The following EHMT1 variants were observed in gnomAD, a reference collection of about 807,000 sequenced individuals.
EHMT1 encodes euchromatic histone lysine methyltransferase 1, also known as histone-lysine N-methyltransferase EHMT1.
Under a neutral mutation model 147.2 loss-of-function variants are expected in EHMT1, and 15 were observed. That is an observed-to-expected ratio of 0.10 (90% CI 0.07 to 0.16). EHMT1 has a LOEUF of 0.16. Ranked by LOEUF, EHMT1 falls within the 10% of genes least tolerant of loss-of-function variation. The pLI, the probability that EHMT1 is intolerant of heterozygous loss-of-function variation, is 1.00. For synonymous variants in EHMT1, 795 were observed against 709.6 expected (o/e 1.12, Z -1.91); for missense variants, 1,587 against 1,772.4 (o/e 0.90, Z 1.88).
intron 3 of EHMT1, among the ~76,000 whole-genome samples, chr9:137,721,885 G>A (rs1946093971): frequency 6.6e-6 from 1 of 152,020 alleles, no homozygotes; most frequent in Non-Finnish European, 1.5e-5. Context: ...GTTTCATTTT[G>A]ATGAAGTCCG....
chr9:137,734,885 C>G (rs1947403613), intron 4 of EHMT1, among the ~76,000 whole-genome samples: 1 of 152,176 alleles, frequency 6.6e-6, no homozygotes, highest in South Asian at 2.1e-4. Context: ...AAGATATTCT[C>G]AGATAAACAA....
chr9:137,687,287 T>C (rs935639219), intron 1 of EHMT1, among the ~76,000 whole-genome samples: 12 of 152,198 alleles, frequency 7.9e-5, no homozygotes, highest in Non-Finnish European at 1.3e-4. Context: ...TCCAATTGTT[T>C]TGGCTCTCTT....
At chr9:137,711,198 C>T (rs1048392594) in intron 2 of EHMT1, among the ~76,000 whole-genome samples, 168 bp downstream of exon 2, 2 of 152,176 alleles carry the variant, frequency 1.3e-5, no homozygotes, top group African/African-American at 2.4e-5. Flanking sequence ...GTTGCACAGA[C>T]AAACACAAAA....
intron 16 of EHMT1, among the ~76,000 whole-genome samples, chr9:137,794,490 A>T (rs1952753348): frequency 1.3e-5 from 2 of 151,926 alleles, no homozygotes; most frequent in Admixed American, 6.6e-5. Flanking sequence ...TCTATAAGAA[A>T]TGAAAAATTA....
intron 23 of EHMT1, chr9:137,817,067 C>G: frequency 3.3e-6 from 1 of 307,488 alleles, no homozygotes; most frequent in Non-Finnish European, 6.3e-6. Context: ...CGGGAGCAGG[C>G]TGGGCTGCAG....
In EHMT1 at chr9:137,662,136, T is replaced by C. The variant is rs150469029; in HGVS notation, c.21+43087T>C. 8.6e-3 allele frequency among the ~76,000 whole-genome samples: 1,316 copies of C among 152,328 alleles called. 13 individuals carry two copies. The highest frequency in any genetic ancestry group is 0.015 in the Non-Finnish European group (1,032 of 68,030). On this transcript the variant is annotated intron_variant, in intron 1 of 26. Transcript: ENST00000460843. ...ATTAATGGGGTGAGTTACCCAACAA[T>C]ATCTGCTGATAGTATATATATATTT...
At chr9:137,784,558 C>A (rs1951810120) in intron 15 of EHMT1, 1 of 470,636 alleles carries the variant, frequency 2.1e-6, no homozygotes, top group Non-Finnish European at 2.8e-6. Context: ...TGCCATTTCT[C>A]TTCTCTCTGT....
chr9:137,753,108 G>A (rs1347413163), intron 7 of EHMT1, among the ~76,000 whole-genome samples: 1 of 152,140 alleles, frequency 6.6e-6, no homozygotes, highest in East Asian at 1.9e-4. Flanking sequence ...GGTTCCACAG[G>A]GGAGGAGAAG....
At chr9:137,635,035 G>T (rs372731258) in intron 1 of EHMT1, among the ~76,000 whole-genome samples, 3 of 151,082 alleles carry the variant, frequency 2.0e-5, no homozygotes, top group Non-Finnish European at 2.9e-5. Context: ...TTGGATTTTC[G>T]TATGAGTTTT....
chr9:137,678,984 G>T (rs1941672147), intron 1 of EHMT1, among the ~76,000 whole-genome samples: 1 of 152,050 alleles, frequency 6.6e-6, no homozygotes, highest in South Asian at 2.1e-4. Flanking sequence ...GATGGAGTCT[G>T]GCTCTGTCGC....
At chr9:137,822,786 G>C (rs571354478) in intron 25 of EHMT1, among the ~76,000 whole-genome samples, 1 of 151,930 alleles carries the variant, frequency 6.6e-6, no homozygotes, top group African/African-American at 2.4e-5. Context: ...CCAGTTACTC[G>C]GGAGGCTGAG....
chr9:137,716,722 G>A lies in EHMT1; in HGVS notation c.182G>A (p.Ser61Asn). Residue 61 changes from serine (S) to asparagine (N), a missense_variant, in exon 3 of 27, where the codon AGC (serine) becomes AAC (asparagine). Ser to Asn is a conservative substitution (Grantham distance 46). Around this residue, in one of 7 missense-constraint regions of EHMT1, gnomAD observed 810 missense variants for 673.0 expected, o/e 1.20. Transcript: ENST00000460843. Reference sequence around the variant, plus strand: ...GAGACCAATGGGTCTTGTGAAAACAGCGATGCCAGCAGTCATGCAAATGCT... The same window carrying A: ...GAGACCAATGGGTCTTGTGAAAACAACGATGCCAGCAGTCATGCAAATGCT... ...DGETNGSCENSDASSHANAAK... is the reference protein window; with the variant it reads ...DGETNGSCENNDASSHANAAK... 6.2e-7 allele frequency: 1 copy of A among 1,612,098 alleles called. No homozygotes were observed. The highest frequency in any genetic ancestry group is 1.3e-5 in the African/African-American group (1 of 74,944).
Position 137,787,871 on chromosome 9 carries a change from T to G in EHMT1, c.2383-2977T>G. ...GTGGACATTGGGGATAGGAGGTGGG[T>G]GGGGGTGCCAAGGGCATTACCACAT... On this transcript the variant is annotated intron_variant, in intron 15 of 26. Transcript: ENST00000460843. This position sits in a 1 kb window ranked among gnomAD's most constrained non-coding sequence, Gnocchi z 4.2. 1 of 1,193,498 alleles carries G rather than the reference T, an allele frequency of 8.4e-7. No individual in the cohort carries two copies. The highest frequency in any genetic ancestry group is 1.2e-6 in the Non-Finnish European group (1 of 800,446). 73.9% of individuals were successfully genotyped at this position (1,193,498 alleles called of 1,614,324 possible). A position where few individuals can be genotyped will look rare whatever the true frequency, so the allele number is the denominator to read the frequency against.
chr9:137,664,479 C>T (rs763942061), intron 1 of EHMT1, among the ~76,000 whole-genome samples: 4 of 151,970 alleles, frequency 2.6e-5, no homozygotes, highest in Middle Eastern at 3.4e-3. Context: ...AGGCTGGTCT[C>T]GAACTCTGGA....
At chr9:137,728,675 C>T in intron 4 of EHMT1, 146 bp downstream of exon 4, 2 of 1,054,294 alleles carry the variant, frequency 1.9e-6, no homozygotes, top group Non-Finnish European at 2.8e-6. Context: ...CTGTGCTCGC[C>T]TGTATGCCTG....
intron 1 of EHMT1, among the ~76,000 whole-genome samples, chr9:137,632,222 T>G (rs914436474): frequency 2.6e-5 from 4 of 152,222 alleles, no homozygotes; most frequent in Admixed American, 6.5e-5. Context: ...GTTCGATGAC[T>G]TTACCATGTA....
chr9:137,710,742 T>C (rs1453189418), intron 1 of EHMT1, among the ~76,000 whole-genome samples: 1 of 152,206 alleles, frequency 6.6e-6, no homozygotes, highest in Non-Finnish European at 1.5e-5. Flanking sequence ...GTTAAGAAAC[T>C]GTCTTCAAAA....
intron 1 of EHMT1, among the ~76,000 whole-genome samples, chr9:137,682,022 C>T (rs1029365120): frequency 7.9e-5 from 12 of 152,098 alleles, no homozygotes; most frequent in Non-Finnish European, 1.6e-4. Context: ...GCCATCTCGG[C>T]TCACTGCAAG....
intron 1 of EHMT1, among the ~76,000 whole-genome samples, chr9:137,707,942 G>A (rs1365851689): frequency 6.6e-6 from 1 of 152,198 alleles, no homozygotes; most frequent in Admixed American, 6.5e-5. Context: ...TCTTTGGTGT[G>A]CCTCAAGGCC....
Sources: allele counts gnomAD v4.1 joint callset (sites outside exome capture counted in the v4.1 genomes callset), GRCh38; gene constraint gnomAD v4.1.1; regional missense constraint gnomAD v4.1.1; non-coding constraint Gnocchi (gnomAD v3.1); transcripts MANE v1.5; gene names NCBI Gene and HGNC (gene_info 2026-07-23, HGNC 2026-07-21).